The following KDM4C variants were observed in gnomAD, a reference collection of about 807,000 sequenced individuals.
KDM4C encodes the protein lysine demethylase 4C.
Under a neutral mutation model 129.3 loss-of-function variants are expected in KDM4C, and 81 were observed. That is an observed-to-expected ratio of 0.63 (90% CI 0.52 to 0.75). The LOEUF is 0.75. KDM4C is among the 30% of genes least tolerant of loss of function. The pLI, the probability that KDM4C is intolerant of heterozygous loss-of-function variation, is 0.00. For synonymous variants in KDM4C, 573 were observed against 456.1 expected (o/e 1.26, Z -3.26); for missense variants, 1,457 against 1,304.0 (o/e 1.12, Z -1.81).
At chr9:7,057,303 A>G (rs1324420656) in intron 17 of KDM4C, among the ~76,000 whole-genome samples, 5 of 152,254 alleles carry the variant, frequency 3.3e-5, no homozygotes, top group African/African-American at 4.8e-5. Flanking sequence ...CTGGTTAGAC[A>G]CAGATACTAG....
chr9:7,123,437 C>T (rs1235760728), intron 18 of KDM4C, among the ~76,000 whole-genome samples: 2 of 152,198 alleles, frequency 1.3e-5, no homozygotes, highest in South Asian at 2.1e-4. Flanking sequence ...CTCTACAGTG[C>T]CCCTTTGCTT....
intron 15 of KDM4C, among the ~76,000 whole-genome samples, chr9:7,031,078 A>G (rs1376528916): frequency 1.3e-5 from 2 of 152,064 alleles, no homozygotes; most frequent in Non-Finnish European, 2.9e-5. Flanking sequence ...CAAACATGAA[A>G]TGGGTTTCCA....
chr9:7,088,661 A>T (rs1056860351), intron 17 of KDM4C, among the ~76,000 whole-genome samples: 8 of 152,126 alleles, frequency 5.3e-5, no homozygotes, highest in African/African-American at 1.9e-4. Flanking sequence ...CAGGAGGTGC[A>T]TTGTCTTCCT....
chr9:7,035,701 T>A (rs1230861342), intron 15 of KDM4C, among the ~76,000 whole-genome samples: 3 of 152,160 alleles, frequency 2.0e-5, no homozygotes, highest in Non-Finnish European at 4.4e-5. Flanking sequence ...TTCTTCTGCA[T>A]GTGGATATCC....
At position 7,165,343 on chromosome 9, in the gene KDM4C, G is replaced by T; in HGVS notation, c.2887G>T (p.Ala963Ser). The change falls in exon 20 of 22, where the codon GCC (alanine) becomes TCC (serine). Residue 963 changes from alanine (A) to serine (S), a missense_variant. Ala to Ser is a moderately conservative substitution (Grantham distance 99). Transcript: ENST00000381309. ...AGCAAAATATTTTGGATCAAATATTGCCCACATGTACCAGGTGGGTTCTTC... is the reference window on the plus strand; with the variant it reads ...AGCAAAATATTTTGGATCAAATATTTCCCACATGTACCAGGTGGGTTCTTC... The part of the protein sequence containing the change: ...YGAKYFGSNI[A>S]HMYQVEFEDG... 1 of 1,614,002 alleles carries T rather than the reference G, an allele frequency of 6.2e-7. No individual in the cohort carries two copies. Among genetic ancestry groups the T allele is most frequent in the African/African-American group, 1.3e-5 (1 of 75,034 alleles).
At chr9:6,904,840 G>A (rs943108885) in intron 8 of KDM4C, among the ~76,000 whole-genome samples, 3 of 151,958 alleles carry the variant, frequency 2.0e-5, no homozygotes, top group African/African-American at 4.8e-5. Context: ...GTAACTAAAC[G>A]GCGTTAGTCA....
intron 17 of KDM4C, among the ~76,000 whole-genome samples, chr9:7,065,922 C>A (rs563637253): frequency 4.5e-4 from 68 of 151,758 alleles, no homozygotes; most frequent in African/African-American, 1.5e-3. Flanking sequence ...CAGGTCTTTT[C>A]CTAGCTTTCA....
intron 3 of KDM4C, among the ~76,000 whole-genome samples, chr9:6,812,486 C>A (rs765847412): frequency 6.6e-6 from 1 of 152,054 alleles, no homozygotes; most frequent in South Asian, 2.1e-4. Context: ...GGGATGGTTT[C>A]GGGATGAAAC....
At chr9:7,111,192 G>A (rs763941124) in intron 18 of KDM4C, among the ~76,000 whole-genome samples, 4 of 152,026 alleles carry the variant, frequency 2.6e-5, no homozygotes, top group Non-Finnish European at 4.4e-5. Context: ...AGGCTTTTCA[G>A]ATATTAACTT....
At chr9:6,852,337 C>G (rs529496036) in intron 5 of KDM4C, among the ~76,000 whole-genome samples, 1 of 152,248 alleles carries the variant, frequency 6.6e-6, no homozygotes, top group South Asian at 2.1e-4. Context: ...GGGCTGTAGT[C>G]TTTATTATGC....
intron 8 of KDM4C, among the ~76,000 whole-genome samples, chr9:6,958,772 T>C (rs1038520506): frequency 1.4e-5 from 2 of 147,966 alleles, no homozygotes; most frequent in African/African-American, 5.0e-5. Context: ...GCAACCTCCA[T>C]CTCCTTCCAC....
chr9:6,970,821 C>G (rs1474055882), intron 8 of KDM4C, among the ~76,000 whole-genome samples: 1 of 110,918 alleles, frequency 9.0e-6, no homozygotes, highest in African/African-American at 3.4e-5. Flanking sequence ...CCACCCCGGT[C>G]TCACCCCCAG....
chr9:6,921,649 A>G (rs1311753728), intron 8 of KDM4C, among the ~76,000 whole-genome samples: 1 of 152,172 alleles, frequency 6.6e-6, no homozygotes, highest in African/African-American at 2.4e-5. Context: ...AGCCAGCATG[A>G]CAGCTTTAAA....
intron 1 of KDM4C, among the ~76,000 whole-genome samples, chr9:6,779,542 G>T (rs1015074305): frequency 6.6e-6 from 1 of 152,162 alleles, no homozygotes; most frequent in African/African-American, 2.4e-5. Flanking sequence ...CTCAGTCAAG[G>T]TGCTATGAAC....
chr9:7,134,166 G>C (rs937258166), intron 19 of KDM4C, among the ~76,000 whole-genome samples: 1 of 152,188 alleles, frequency 6.6e-6, no homozygotes, highest in South Asian at 2.1e-4. Context: ...AGGTCTGCAG[G>C]CATGGCCCAC....
chr9:6,819,414 C>G (rs892886015), intron 4 of KDM4C, among the ~76,000 whole-genome samples: 19 of 152,200 alleles, frequency 1.2e-4, no homozygotes, highest in Admixed American at 1.2e-3. Flanking sequence ...TTTGTAAACA[C>G]GCAGTTTTAA....
intron 5 of KDM4C, among the ~76,000 whole-genome samples, chr9:6,874,476 G>A (rs1843269552): frequency 1.3e-5 from 2 of 152,104 alleles, no homozygotes; most frequent in African/African-American, 4.8e-5. Flanking sequence ...TTCAAAACTT[G>A]TTTAGATAAA....
intron 8 of KDM4C, among the ~76,000 whole-genome samples, chr9:6,927,810 C>A (rs925885039): frequency 2.0e-5 from 3 of 152,182 alleles, no homozygotes; most frequent in African/African-American, 7.2e-5. Context: ...AATTTCCTTG[C>A]CCCTTCCCAC....
intron 5 of KDM4C, among the ~76,000 whole-genome samples, chr9:6,861,774 CTTTCT>C (rs1563713140): frequency 1.3e-5 from 2 of 148,846 alleles, no homozygotes; most frequent in Non-Finnish European, 1.5e-5. Flanking sequence ...ATATTTCTTT[CTTTCT>C]TTTTTTTTTT....
Sources: allele counts gnomAD v4.1 joint callset (sites outside exome capture counted in the v4.1 genomes callset), GRCh38; gene constraint gnomAD v4.1.1; transcripts MANE v1.5; gene names NCBI Gene and HGNC (gene_info 2026-07-23, HGNC 2026-07-21).